Variants in GIGYF1 observed in about 807,000 individuals in gnomAD.
GIGYF1 encodes GRB10-interacting GYF protein 1.
In GIGYF1, 84 loss-of-function variants were observed where a neutral mutation model predicts 147.1. The observed-to-expected ratio is 0.57, with a 90% confidence interval of 0.48 to 0.68. The LOEUF is 0.68. Among genes scored for constraint, GIGYF1 ranks in the 30% least tolerant of loss-of-function variants. The pLI is 0.00. For synonymous variants in GIGYF1, 752 were observed against 589.5 expected, an observed-to-expected ratio of 1.28 and a Z score of -3.99; for missense variants, 1,485 against 1,393.7, an observed-to-expected ratio of 1.07 and a Z score of -1.04.
At position 100,687,001 on chromosome 7, in the gene GIGYF1, C is replaced by G; in HGVS notation, c.523+5G>C. On this transcript the variant is annotated splice_donor_5th_base_variant and intron_variant, in intron 9 of 26. Coordinates refer to ENST00000678049, the MANE Select transcript of GIGYF1 (RefSeq NM_001375765.1). ...CCCCGGCCGCCGCCCTCAGCAGCCT[C>G]GTACCTCCATCCCGCCTTGCTGACT... 1 of 1,613,946 alleles carries G rather than the reference C, an allele frequency of 6.2e-7. No homozygotes were observed. The highest frequency in any genetic ancestry group is 1.1e-5 in the South Asian group (1 of 91,090).
chr7:100,682,919 G>A (rs1021959781), intron 22 of GIGYF1, 93 bp downstream of exon 22: 15 of 1,280,828 alleles, frequency 1.2e-5, no homozygotes, highest in East Asian at 2.5e-5. Flanking sequence ...CTGGGACTGG[G>A]GCTGGGGCTG....
Position 100,681,580 on chromosome 7 carries a change from G to C in GIGYF1, c.*139C>G, listed in dbSNP as rs543102219. ...CGTGGTGGGTGAGTTAAGGTGCATC[G>C]TGTGTTTGTAACAAGTGCTGGGGAC... On this transcript the variant is annotated 3_prime_UTR_variant, in exon 27 of 27. Transcript: ENST00000678049. The C allele has an allele frequency of 1.5e-5, 9 of 608,652 alleles. No individual in the cohort carries two copies. Among genetic ancestry groups the C allele is most frequent in the East Asian group, 3.0e-5 (1 of 32,832 alleles). The allele number at this position is 608,652 out of a possible 1,614,324, so 37.7% of individuals were successfully genotyped here.
chr7:100,691,421 C>A (rs1378082634), intron 1 of GIGYF1, among the ~76,000 whole-genome samples: 3 of 152,048 alleles, frequency 2.0e-5, no homozygotes, highest in Non-Finnish European at 4.4e-5. Context: ...CCTCTCTGAA[C>A]AGCAGGGACA....
At chr7:100,692,067 G>A (rs949097241) in intron 1 of GIGYF1, among the ~76,000 whole-genome samples, 6 of 152,350 alleles carry the variant, frequency 3.9e-5, no homozygotes, top group African/African-American at 1.2e-4. Context: ...CACTTAAACA[G>A]AAGCACAGTC....
At position 100,684,555 on chromosome 7, in the gene GIGYF1, C is replaced by T; in HGVS notation, c.1524G>A (p.Leu508=). ...CCTCATCGCAGCCCCGCTTCACCAGCAGTGACATGGAAAAGTAGCCGGCCT... is the reference window on the plus strand; with the variant it reads ...CCTCATCGCAGCCCCGCTTCACCAGTAGTGACATGGAAAAGTAGCCGGCCT... The part of the protein sequence containing the change: ...WFQAGYFSMS[L]LVKRGCDEGF... The change falls in exon 16 of 27, where the codon CTG becomes CTA. Residue 508 remains leucine, a synonymous_variant. Transcript: ENST00000678049. 1 of 1,614,136 alleles carries T rather than the reference C, an allele frequency of 6.2e-7. No homozygotes were observed. Among genetic ancestry groups the T allele is most frequent in the Non-Finnish European group, 8.5e-7 (1 of 1,180,028 alleles).
In GIGYF1 at chr7:100,681,613, CT is replaced by C. The variant is rs1412106859; in HGVS notation, c.*105del. 2 of 1,088,212 alleles carry C rather than the reference CT, an allele frequency of 1.8e-6. No homozygotes were observed. The highest frequency in any genetic ancestry group is 1.6e-5 in the African/African-American group (1 of 63,004). The allele number at this position is 1,088,212 out of a possible 1,614,324, so 67.4% of individuals were successfully genotyped here. ...GTAACAAGTGCTGGGGACCCCGCCC[CT>C]GCCTCTTCCTGTGCTCTCTGCGGGG... On this transcript the variant is annotated 3_prime_UTR_variant, in exon 27 of 27. Coordinates refer to ENST00000678049, the MANE Select transcript of GIGYF1 (RefSeq NM_001375765.1).
chr7:100,684,823 C>G lies in GIGYF1; in HGVS notation c.1362G>C (p.Gln454His). 2 of 1,609,496 alleles carry G rather than the reference C, an allele frequency of 1.2e-6. No homozygotes were observed. The highest frequency in any genetic ancestry group is 1.7e-6 in the Non-Finnish European group (2 of 1,177,900). The change falls in exon 15 of 27, where the codon CAG becomes CAC. Residue 454 changes from glutamine (Q) to histidine (H), a missense_variant. Coordinates refer to ENST00000678049, the MANE Select transcript of GIGYF1 (RefSeq NM_001375765.1). ...CTGCAGAGTGGCGCAGGCCCTGGGTCTGCATGGCAGCCGTGAACTGCTCCT... is the reference window on the plus strand; with the variant it reads ...CTGCAGAGTGGCGCAGGCCCTGGGTGTGCATGGCAGCCGTGAACTGCTCCT... ...LEEEQFTAAM[Q>H]TQGLRHSAAA...
chr7:100,681,624 T>C lies in GIGYF1; in HGVS notation c.*95A>G, dbSNP rs1010739223. On this transcript the variant is annotated 3_prime_UTR_variant, in exon 27 of 27. Coordinates refer to ENST00000678049, the MANE Select transcript of GIGYF1 (RefSeq NM_001375765.1). ...TGGGGACCCCGCCCCTGCCTCTTCC[T>C]GTGCTCTCTGCGGGGAGCCTGCAGG... 1.1e-5 allele frequency: 13 copies of C among 1,229,382 alleles called. No homozygotes were observed. The highest frequency in any genetic ancestry group is 5.3e-5 in the Admixed American group (2 of 37,438). The allele number at this position is 1,229,382 out of a possible 1,614,324, so 76.2% of individuals were successfully genotyped here.
At position 100,686,790 on chromosome 7, in the gene GIGYF1, C is replaced by T. The variant is rs1489558819; in HGVS notation, c.553G>A (p.Gly185Ser). The stretch of plus-strand genomic sequence containing the variant: ...GAGCGGGCGTGCTCCTTCCTTGGGC[C>T]AGCCCCTCCCTCCTCAAAGCCACAT... The part of the protein sequence containing the change: ...ARCGFEEGGA[G>S]PRKEHARSDS... The change falls in exon 10 of 27, where the codon GGC becomes AGC. Residue 185 changes from glycine to serine, a missense_variant. Gly to Ser is a moderately conservative substitution (Grantham distance 56). Transcript: ENST00000678049. The T allele has an allele frequency of 3.7e-6, 6 of 1,614,046 alleles. No homozygotes were observed. The highest frequency in any genetic ancestry group is 5.1e-6 in the Non-Finnish European group (6 of 1,180,012).
At position 100,686,687 on chromosome 7, in the gene GIGYF1, GGCCCTGCTCCGAGCCTCCAGCT is replaced by G. The variant is rs764093289; in HGVS notation, c.634_655del (p.Ser212ProfsTer126). On this transcript the variant is annotated frameshift_variant, in exon 10 of 27. Transcript: ENST00000678049. LOFTEE classifies it high-confidence loss of function. The stretch of plus-strand genomic sequence containing the variant: ...GCGCCAGCGGTCGCCGTCTCGCCGG[GGCCCTGCTCCGAGCCTCCAGCT>G]GCCCTCCTCCTCCTCCTCCTGTTCC... The G allele has an allele frequency of 2.5e-6, 4 of 1,612,844 alleles. No individual in the cohort carries two copies. The highest frequency in any genetic ancestry group is 3.4e-6 in the Non-Finnish European group (4 of 1,179,794).
At chr7:100,682,908 G>A in intron 22 of GIGYF1, 104 bp downstream of exon 22, 1 of 1,272,780 alleles carries the variant, frequency 7.9e-7, no homozygotes, top group East Asian at 2.5e-5. Context: ...CACAGGAGAG[G>A]CTGGGACTGG....
intron 12 of GIGYF1, 46 bp downstream of exon 12, chr7:100,685,928 G>A: frequency 6.6e-7 from 1 of 1,522,908 alleles, no homozygotes; most frequent in Non-Finnish European, 9.1e-7. Context: ...GAACACCAGT[G>A]CCTGCCCGGC....
intron 18 of GIGYF1, 31 bp from the exon 19 acceptor site, chr7:100,683,949 C>T (rs1036051124): frequency 1.3e-6 from 2 of 1,562,830 alleles, no homozygotes; most frequent in East Asian, 2.4e-5. Context: ...TCTTAGGACC[C>T]CAAATCCATC....
chr7:100,686,452 G>A lies in GIGYF1; in HGVS notation c.695-19C>T, dbSNP rs748304456. ...CCACCATCTGCACAGGAAAAGTCAG[G>A]GAGAAGAAGAGTGGGTACCCAAGCG... On this transcript the variant is annotated intron_variant, in intron 10 of 26. Coordinates refer to ENST00000678049, the MANE Select transcript of GIGYF1 (RefSeq NM_001375765.1). 4.5e-6 allele frequency: 7 copies of A among 1,566,884 alleles called. No homozygotes were observed. The South Asian group carries it at 6.0e-5, about 13-fold the overall frequency.
At chr7:100,691,340 A>G (rs1805808608) in intron 1 of GIGYF1, among the ~76,000 whole-genome samples, 1 of 152,182 alleles carries the variant, frequency 6.6e-6, no homozygotes, top group Admixed American at 6.5e-5. Flanking sequence ...GAGCATGGGC[A>G]CAGCCCTTGG....
intron 1 of GIGYF1, among the ~76,000 whole-genome samples, chr7:100,690,479 AT>A (rs985888795): frequency 3.3e-5 from 5 of 152,110 alleles, no homozygotes; most frequent in Non-Finnish European, 7.4e-5. Context: ...AATTCTAAAC[AT>A]TTTTTAAAAA....
rs370483282 is a variant in GIGYF1, at chr7:100,683,769, A to G, written c.1969+49T>C. 3.2e-6 allele frequency: 5 copies of G among 1,577,124 alleles called. No individual in the cohort carries two copies. The Admixed American group carries it at 5.3e-5, about 17-fold the overall frequency. ...GGGTGGGGAGCAGACCCCAGACCCCATTTCACCCGGAGACTGCCTTGGGGG... is the reference window on the plus strand; with the variant it reads ...GGGTGGGGAGCAGACCCCAGACCCCGTTTCACCCGGAGACTGCCTTGGGGG... On this transcript the variant is annotated intron_variant, in intron 19 of 26. Transcript: ENST00000678049.
chr7:100,684,120 C>G lies in GIGYF1; in HGVS notation c.1768G>C (p.Ala590Pro). 1 of 1,608,614 alleles carries G rather than the reference C, an allele frequency of 6.2e-7. No individual in the cohort carries two copies. The highest frequency in any genetic ancestry group is 2.2e-5 in the East Asian group (1 of 44,866). The change falls in exon 18 of 27, where the codon GCT becomes CCT. Residue 590 changes from alanine (A) to proline (P), a missense_variant. Transcript: ENST00000678049. Reference protein sequence around the residue: ...LPQCALREKAALGDLTPPPPP... With the variant: ...LPQCALREKAPLGDLTPPPPP... ...GGTGGCGGTGTCAGGTCCCCCAGAGCTGCCTTTTCTCGGAGCGCGCACTGT... is the reference window on the plus strand; with the variant it reads ...GGTGGCGGTGTCAGGTCCCCCAGAGGTGCCTTTTCTCGGAGCGCGCACTGT...
At chr7:100,685,721 C>T (rs1021551069) in intron 12 of GIGYF1, among the ~76,000 whole-genome samples, 4 of 152,166 alleles carry the variant, frequency 2.6e-5, no homozygotes, top group Non-Finnish European at 5.9e-5. Flanking sequence ...ACACCGCAGA[C>T]GTCACTCCAG....
Sources: gnomAD v4.1 joint callset for allele counts (sites outside exome capture counted in the v4.1 genomes callset) on GRCh38, gnomAD v4.1.1 for gene constraint, MANE v1.5 for transcripts, NCBI Gene and HGNC (gene_info 2026-07-23, HGNC 2026-07-21) for gene names.